Variants in TLK1 observed in about 807,000 individuals in gnomAD.
The protein encoded by TLK1 is tousled like kinase 1.
A neutral mutation model predicts 105.3 loss-of-function variants in TLK1; 24 were observed. That is an observed-to-expected ratio of 0.23 (90% CI 0.17 to 0.32). TLK1 has a LOEUF of 0.32. Among genes scored for constraint, TLK1 ranks in the 10% least tolerant of loss-of-function variants. The pLI is 1.00. For synonymous variants in TLK1, 321 were observed against 310.4 expected (o/e 1.03, Z -0.36); for missense variants, 558 against 910.5 (o/e 0.61, Z 4.98).
intron 14 of TLK1, 59 bp from the exon 15 acceptor site, chr2:171,007,122 G>GTT: frequency 7.0e-7 from 1 of 1,423,382 alleles, no homozygotes; most frequent in Non-Finnish European, 9.6e-7. Flanking sequence ...CTGAAGAGAT[G>GTT]TTTTTTATTT....
At chr2:171,099,975 T>G (rs1017040088) in intron 2 of TLK1, among the ~76,000 whole-genome samples, 5 of 152,160 alleles carry the variant, frequency 3.3e-5, no homozygotes. Context: ...ATATGACACC[T>G]ACAGAATGAG....
chr2:171,090,545 C>T (rs1027802043), intron 2 of TLK1, among the ~76,000 whole-genome samples: 1 of 152,128 alleles, frequency 6.6e-6, no homozygotes, highest in Non-Finnish European at 1.5e-5. Flanking sequence ...TACTTATCGC[C>T]TATGCTATTT....
At chr2:171,037,565 T>C (rs1342671853) in intron 11 of TLK1, among the ~76,000 whole-genome samples, 1 of 152,174 alleles carries the variant, frequency 6.6e-6, no homozygotes, top group African/African-American at 2.4e-5. Context: ...CTAAGAGTTT[T>C]AGTCACAGAT....
chr2:171,177,796 AT>A (rs941339795), intron 1 of TLK1, among the ~76,000 whole-genome samples: 4 of 151,128 alleles, frequency 2.6e-5, no homozygotes, highest in South Asian at 2.1e-4. Context: ...ACTAACTAGC[AT>A]TTTTTTTTCT....
At chr2:171,076,440 C>G (rs1688510097) in intron 3 of TLK1, among the ~76,000 whole-genome samples, 1 of 152,082 alleles carries the variant, frequency 6.6e-6, no homozygotes, top group African/African-American at 2.4e-5. Context: ...TTCCTAGCCT[C>G]TGGACCCAAG....
At chr2:171,168,667 T>A (rs573769327) in intron 1 of TLK1, among the ~76,000 whole-genome samples, 26 of 152,308 alleles carry the variant, frequency 1.7e-4, no homozygotes, top group African/African-American at 6.0e-4. Context: ...TAGCTATAGA[T>A]ACAAGATAAT....
chr2:171,105,011 G>C (rs1689858261), intron 2 of TLK1, among the ~76,000 whole-genome samples: 1 of 152,032 alleles, frequency 6.6e-6, no homozygotes, highest in Non-Finnish European at 1.5e-5. Flanking sequence ...ACTCAAAATG[G>C]GTTAAAGATT....
At chr2:171,189,480 A>T (rs1251542267) in intron 1 of TLK1, among the ~76,000 whole-genome samples, 1 of 152,178 alleles carries the variant, frequency 6.6e-6, no homozygotes, top group African/African-American at 2.4e-5. Context: ...TCCTGATTTT[A>T]AAATGTTCAT....
chr2:171,225,381 G>T (rs1374938317), intron 1 of TLK1, among the ~76,000 whole-genome samples: 1 of 152,058 alleles, frequency 6.6e-6, no homozygotes, highest in Non-Finnish European at 1.5e-5. Context: ...TACTAAAGAT[G>T]CCTAACATCA....
At chr2:171,111,804 G>A (rs564026977) in intron 2 of TLK1, among the ~76,000 whole-genome samples, 160 of 152,184 alleles carry the variant, frequency 1.1e-3, no homozygotes, top group Non-Finnish European at 2.0e-3. Flanking sequence ...TATCTTAAGA[G>A]GAATGTAGAT....
chr2:171,032,756 C>T (rs531969082), intron 11 of TLK1, among the ~76,000 whole-genome samples: 20 of 152,044 alleles, frequency 1.3e-4, no homozygotes, highest in Non-Finnish European at 2.5e-4. Context: ...GTACCAAGAC[C>T]ACTCAATGAG....
At chr2:171,098,088 T>C (rs909366639) in intron 2 of TLK1, among the ~76,000 whole-genome samples, 6 of 152,124 alleles carry the variant, frequency 3.9e-5, no homozygotes, top group Non-Finnish European at 7.4e-5. Context: ...ACAACGATGG[T>C]TGCCAGGAAC....
At chr2:171,174,485 C>T (rs1692784764) in intron 1 of TLK1, among the ~76,000 whole-genome samples, 2 of 152,022 alleles carry the variant, frequency 1.3e-5, no homozygotes, top group South Asian at 2.1e-4. Flanking sequence ...TTTAATTTGC[C>T]AAGGTACTCT....
At chr2:171,088,477 T>C (rs1030714513) in intron 2 of TLK1, among the ~76,000 whole-genome samples, 3 of 152,242 alleles carry the variant, frequency 2.0e-5, no homozygotes, top group African/African-American at 7.2e-5. Flanking sequence ...AAAGCATGTT[T>C]CTGGATTGGA....
intron 2 of TLK1, among the ~76,000 whole-genome samples, chr2:171,097,829 G>A (rs1689513337): frequency 6.6e-6 from 1 of 152,070 alleles, no homozygotes; most frequent in Non-Finnish European, 1.5e-5. Context: ...GGAGGCTCAG[G>A]CAGGAGAATC....
intron 2 of TLK1, among the ~76,000 whole-genome samples, chr2:171,087,166 G>A (rs1689016760): frequency 6.6e-6 from 1 of 152,132 alleles, no homozygotes; most frequent in African/African-American, 2.4e-5. Context: ...AAGAAAAAGT[G>A]ACCCATACTC....
intron 2 of TLK1, among the ~76,000 whole-genome samples, chr2:171,104,802 T>C (rs886223833): frequency 6.6e-6 from 1 of 152,216 alleles, no homozygotes; most frequent in Non-Finnish European, 1.5e-5. Context: ...TCATTGTTGG[T>C]GTATAGAAAT....
Position 171,056,500 on chromosome 2 carries a change from A to T in TLK1, c.520T>A (p.Ser174Thr). The T allele has an allele frequency of 6.2e-7, 1 of 1,612,000 alleles. No individual in the cohort carries two copies. The highest frequency in any genetic ancestry group is 8.5e-7 in the Non-Finnish European group (1 of 1,179,030). ...IPPAIRSPQN[S>T]HSHSTPSSSV... ...GAGGAAGGAGTGGAATGTGAATGTGAATTTTGAGGAGAACGGATTGCAGGA... is the reference window on the plus strand; with the variant it reads ...GAGGAAGGAGTGGAATGTGAATGTGTATTTTGAGGAGAACGGATTGCAGGA... The change falls in exon 6 of 21, where the codon TCA (serine) becomes ACA (threonine). Residue 174 changes from serine (S) to threonine (T), a missense_variant. Ser to Thr is a moderately conservative substitution (Grantham distance 58, BLOSUM62 1). Around this residue, in one of 5 missense-constraint regions of TLK1, gnomAD observed 196 missense variants for 239.3 expected, o/e 0.82. Coordinates refer to ENST00000431350, the MANE Select transcript of TLK1 (RefSeq NM_012290.5).
chr2:171,134,220 T>G (rs1206741345), intron 1 of TLK1, among the ~76,000 whole-genome samples: 1 of 152,156 alleles, frequency 6.6e-6, no homozygotes, highest in Non-Finnish European at 1.5e-5. Context: ...ATATATATAT[T>G]TCATCCTCTC....
Sources: allele counts gnomAD v4.1 joint callset (sites outside exome capture counted in the v4.1 genomes callset), GRCh38; gene constraint gnomAD v4.1.1; regional missense constraint gnomAD v4.1.1; transcripts MANE v1.5; gene names NCBI Gene and HGNC (gene_info 2026-07-23, HGNC 2026-07-21).